Variants in TRIM7 observed in about 807,000 individuals in gnomAD.
The protein encoded by TRIM7 is tripartite motif containing 7.
In TRIM7, 32 loss-of-function variants were observed where a neutral mutation model predicts 37.9. The ratio of observed to expected loss-of-function variants is 0.84; its 90% CI spans 0.64 to 1.13. The LOEUF is 1.13. Among genes scored for constraint, TRIM7 ranks in the 50% most tolerant of loss-of-function variants. The pLI is 0.00. For missense variants in TRIM7, 732 were observed against 714.0 expected, an observed-to-expected ratio of 1.03 and a Z score of -0.29; for synonymous variants, 351 against 321.3, an observed-to-expected ratio of 1.09 and a Z score of -0.99.
At position 181,203,814 on chromosome 5, in the gene TRIM7, T is replaced by G. The variant is rs990368427; in HGVS notation, c.523-174A>C. The G allele has an allele frequency of 3.7e-6, 5 of 1,366,530 alleles. 1 individual carries two copies. The highest frequency in any genetic ancestry group is 5.4e-4 in the Middle Eastern group (2 of 3,688). The allele number at this position is 1,366,530 out of a possible 1,614,324, so 84.7% of individuals were successfully genotyped here. A position where few individuals can be genotyped will look rare whatever the true frequency, so the allele number is the denominator to read the frequency against. On this transcript the variant is annotated intron_variant, in intron 1 of 6. Coordinates refer to ENST00000274773, the MANE Select transcript of TRIM7 (RefSeq NM_203293.3). ...ACACTGCGAGGTGACTCTGAAGGTCTCGGGATCTTGCTTCCCCAAAAGCAT... is the reference window on the plus strand; with the variant it reads ...ACACTGCGAGGTGACTCTGAAGGTCGCGGGATCTTGCTTCCCCAAAAGCAT...
intron 1 of TRIM7, 35 bp downstream of exon 1, chr5:181,204,554 C>A: frequency 3.7e-6 from 5 of 1,340,204 alleles, no homozygotes; most frequent in Non-Finnish European, 4.8e-6. Context: ...CAGGGGGTCC[C>A]GGGGACCCAC....
At chr5:181,199,561 G>T in intron 3 of TRIM7, 1 of 509,690 alleles carries the variant, frequency 2.0e-6, no homozygotes, top group East Asian at 3.5e-5. Context: ...AAATAGAATA[G>T]AAAACATCAA....
chr5:181,204,699 TG>T lies in TRIM7; in HGVS notation c.411del (p.Phe137LeufsTer45). On this transcript the variant is annotated frameshift_variant, in exon 1 of 7. Coordinates refer to ENST00000274773, the MANE Select transcript of TRIM7 (RefSeq NM_203293.3). LOFTEE classifies it high-confidence loss of function. ...AARCGQHGEP[F>X]KLYCQDDGRA... ...CGTCCGTCGTCCTGGCAGTAGAGCT[TG>T]AAGGGTTCGCCATGCTGCCCGCAGC... is the stretch of plus-strand genomic sequence containing the variant. 1 of 1,500,190 alleles carries T rather than the reference TG, an allele frequency of 6.7e-7. No individual in the cohort carries two copies. The highest frequency in any genetic ancestry group is 1.5e-5 in the African/African-American group (1 of 68,392). 92.9% of individuals were successfully genotyped at this position (1,500,190 alleles called of 1,614,324 possible).
chr5:181,198,659 A>G (rs763453852), intron 5 of TRIM7, 31 bp downstream of exon 5: 43 of 1,505,982 alleles, frequency 2.9e-5, no homozygotes, highest in Middle Eastern at 3.4e-4. Flanking sequence ...CCACCGCACT[A>G]TGTGGCCCAG....
At chr5:181,198,273 C>G in intron 5 of TRIM7, 55 bp from the exon 6 acceptor site, 1 of 1,568,216 alleles carries the variant, frequency 6.4e-7, no homozygotes, top group African/African-American at 1.3e-5. Flanking sequence ...GATTATATGG[C>G]AAGGTCACCA....
At chr5:181,198,252 GC>G in intron 5 of TRIM7, 34 bp from the exon 6 acceptor site, 1 of 1,612,218 alleles carries the variant, frequency 6.2e-7, no homozygotes, top group Non-Finnish European at 8.5e-7. Context: ...GCGTGCATGA[GC>G]GACACGGGAG....
At chr5:181,200,685 A>G (rs1410800489) in intron 2 of TRIM7, 1 of 995,398 alleles carries the variant, frequency 1.0e-6, no homozygotes, top group African/African-American at 1.7e-5. Context: ...TGCAAGTGTC[A>G]TATTCTGTTC....
rs184223761 is a variant in TRIM7, at chr5:181,200,973, C to T, written c.619-892G>A. 60 of 966,972 alleles carry T rather than the reference C, an allele frequency of 6.2e-5. 1 individual carries two copies. In the East Asian group the frequency reaches 3.8e-3, roughly 61 times the overall value. The allele number at this position is 966,972 out of a possible 1,614,324, so 59.9% of individuals were successfully genotyped here. On this transcript the variant is annotated intron_variant, in intron 2 of 6. Coordinates refer to ENST00000274773, the MANE Select transcript of TRIM7 (RefSeq NM_203293.3). ...TGGATATTAACTCCCTCAACCCTGA[C>T]GGCAGCCCAGTGGGGAGGGTGCACT...
chr5:181,198,000 A>C (rs1280494673), intron 6 of TRIM7, 183 bp downstream of exon 6: 8 of 627,436 alleles, frequency 1.3e-5, no homozygotes, highest in Non-Finnish European at 2.3e-5. Flanking sequence ...CCAACATCTG[A>C]GGGTGTCAGA....
chr5:181,200,356 C>A, intron 2 of TRIM7: 3 of 1,416,098 alleles, frequency 2.1e-6, no homozygotes, highest in African/African-American at 1.4e-5. Context: ...CAGCTTCATA[C>A]TCCCCCCAGA....
In TRIM7 at chr5:181,203,652, G is replaced by A. The variant is rs200041072; in HGVS notation, c.523-12C>T. On this transcript the variant is annotated splice_polypyrimidine_tract_variant and intron_variant, in intron 1 of 6. Coordinates refer to ENST00000274773, the MANE Select transcript of TRIM7 (RefSeq NM_203293.3). Reference sequence around the variant, plus strand: ...GACTCCAAGAGCTCCTGTAGATGAAGGGAAACAATGTAAGGTGGGGGTGAG... The same window carrying A: ...GACTCCAAGAGCTCCTGTAGATGAAAGGAAACAATGTAAGGTGGGGGTGAG... The A allele has an allele frequency of 3.1e-6, 5 of 1,604,018 alleles. No individual in the cohort carries two copies. The East Asian group carries it at 1.1e-4, about 36-fold the overall frequency.
chr5:181,201,014 C>A (rs957520279), intron 2 of TRIM7: 69 of 701,244 alleles, frequency 9.8e-5, no homozygotes, highest in Non-Finnish European at 1.1e-4. Flanking sequence ...TCAAGTCTTA[C>A]AGGTGAGGAG....
In TRIM7 at chr5:181,204,580, T is replaced by G; in HGVS notation, c.522+9A>C. 1 of 1,391,326 alleles carries G rather than the reference T, an allele frequency of 7.2e-7. No individual in the cohort carries two copies. Among genetic ancestry groups the G allele is most frequent in the South Asian group, 1.6e-5 (1 of 61,156 alleles). The allele number at this position is 1,391,326 out of a possible 1,614,324, so 86.2% of individuals were successfully genotyped here. On this transcript the variant is annotated intron_variant, in intron 1 of 6. Coordinates refer to ENST00000274773, the MANE Select transcript of TRIM7 (RefSeq NM_203293.3). The stretch of plus-strand genomic sequence containing the variant: ...GGGGACCCACGGGGTGGGTGGGGGC[T>G]GCGCTCACCTTGGCCTCCTGCACCG...
chr5:181,198,669 G>A (rs1295298291), intron 5 of TRIM7, 21 bp downstream of exon 5: 1 of 1,574,816 alleles, frequency 6.3e-7, no homozygotes, highest in African/African-American at 1.4e-5. Context: ...ATGTGGCCCA[G>A]CTTGGCGCCC....
chr5:181,203,930 T>G (rs1234236152), intron 1 of TRIM7: 1 of 1,161,926 alleles, frequency 8.6e-7, no homozygotes, highest in Non-Finnish European at 1.1e-6. Flanking sequence ...GGAAGCCCCG[T>G]GGCTGGGAGA....
chr5:181,203,379 TACA>T (rs1757624851), intron 2 of TRIM7, 163 bp downstream of exon 2: 4 of 1,458,080 alleles, frequency 2.7e-6, no homozygotes, highest in Middle Eastern at 1.8e-4. Context: ...CTCTGGTTTG[TACA>T]ACAATTATGT....
chr5:181,203,802 ACT>A (rs1348683640), intron 1 of TRIM7, 162 bp from the exon 2 acceptor site: 4 of 1,371,342 alleles, frequency 2.9e-6, no homozygotes, highest in South Asian at 3.6e-5. Context: ...CTGCGAGGTG[ACT>A]CTGAAGGTCT....
In TRIM7 at chr5:181,194,681, G is replaced by GACCT. The variant is rs2113044057; in HGVS notation, c.*481_*484dup. On this transcript the variant is annotated 3_prime_UTR_variant, in exon 7 of 7. Coordinates refer to ENST00000274773, the MANE Select transcript of TRIM7 (RefSeq NM_203293.3). ...GCACAGGGCTCCTCCCTGAGTAGAT[G>GACCT]ACCTGTCAGGTCAGCTGGATCCAGA... 1 of 153,794 alleles carries GACCT rather than the reference G, an allele frequency of 6.5e-6. No individual in the cohort carries two copies. The highest frequency in any genetic ancestry group is 6.5e-5 in the Admixed American group (1 of 15,380). 9.5% of individuals were successfully genotyped at this position (153,794 alleles called of 1,614,324 possible). A position where few individuals can be genotyped will look rare whatever the true frequency, so the allele number is the denominator to read the frequency against.
intron 3 of TRIM7, 177 bp from the exon 4 acceptor site, chr5:181,199,294 G>A (rs1757331452): frequency 2.9e-6 from 2 of 686,890 alleles, no homozygotes. Flanking sequence ...GCTGCAGGGT[G>A]TCTCACCCAC....
Sources: gnomAD v4.1 joint callset for allele counts on GRCh38, gnomAD v4.1.1 for gene constraint, MANE v1.5 for transcripts, NCBI Gene and HGNC (gene_info 2026-07-23, HGNC 2026-07-21) for gene names.